PPEF1: variants seen among roughly 807,000 people sequenced by gnomAD.
The protein encoded by PPEF1 is protein phosphatase with EF-hand domain 1, also known as serine/threonine-protein phosphatase with EF-hands 1.
Under a neutral mutation model 53.3 loss-of-function variants are expected in PPEF1, and 12 were observed. That is an observed-to-expected ratio of 0.23 (90% CI 0.14 to 0.36). PPEF1 has a LOEUF of 0.36. Among genes scored for constraint, PPEF1 ranks in the 10% least tolerant of loss-of-function variants. The pLI is 1.00. For missense variants in PPEF1, 334 were observed against 490.4 expected, an observed-to-expected ratio of 0.68 and a Z score of 3.01; for synonymous variants, 165 against 176.7, an observed-to-expected ratio of 0.93 and a Z score of 0.52.
chrX:18,735,340 C>A (rs1329116929), intron 3 of PPEF1, among the ~76,000 whole-genome samples: 15 of 111,542 alleles, frequency 1.3e-4, no homozygotes, highest in Non-Finnish European at 3.8e-5. Context: ...TCAGCTTTCT[C>A]CATATGGCTA....
At chrX:18,802,555 G>A (rs999984631) in intron 10 of PPEF1, among the ~76,000 whole-genome samples, 2 of 111,845 alleles carry the variant, frequency 1.8e-5, no homozygotes, top group South Asian at 7.5e-4. Flanking sequence ...ATCGAGGGGG[G>A]AAAAGTGAAG....
At chrX:18,821,800 AGAG>A (rs200698777) in intron 13 of PPEF1, among the ~76,000 whole-genome samples, 9 of 37,278 alleles carry the variant, frequency 2.4e-4, no homozygotes, top group African/African-American at 1.2e-3. Flanking sequence ...AGAGAGAGAG[AGAG>A]AAAACAAATA....
At chrX:18,783,632 C>T (rs751658535) in intron 8 of PPEF1, among the ~76,000 whole-genome samples, 2 of 109,911 alleles carry the variant, frequency 1.8e-5, no homozygotes, top group East Asian at 2.9e-4. Context: ...GCAGGAGAAT[C>T]GCTTGAACCT....
At position 18,827,573 on chromosome X, in the gene PPEF1, TAGTC is replaced by T. The variant is rs1440094600; in HGVS notation, c.*90_*93del. 3.9e-6 allele frequency: 3 copies of T among 771,926 alleles called. No homozygotes were observed. The African/African-American group carries it at 6.3e-5, about 16-fold the overall frequency. The allele number at this position is 771,926 out of a possible 1,213,427, so 63.6% of individuals were successfully genotyped here. A position where few individuals can be genotyped will look rare whatever the true frequency, so the allele number is the denominator to read the frequency against. ...TCCTTTCCAACACCCCTGAAATTCA[TAGTC>T]AGTAGCAGAGAAAAGCAGATCCCAA... On this transcript the variant is annotated 3_prime_UTR_variant, in exon 16 of 16. Coordinates refer to ENST00000470157, the MANE Select transcript of PPEF1 (RefSeq NM_001377996.1).
chrX:18,792,409 G>A (rs1368007997), intron 10 of PPEF1, among the ~76,000 whole-genome samples: 1 of 111,476 alleles, frequency 9.0e-6, no homozygotes, highest in East Asian at 2.8e-4. Flanking sequence ...CTTGGTAGTT[G>A]TGTCTTTCTT....
intron 12 of PPEF1, 79 bp downstream of exon 12, chrX:18,806,624 C>A: frequency 3.2e-6 from 3 of 942,065 alleles, no homozygotes; most frequent in Non-Finnish European, 2.8e-6. Context: ...TAAGAGCAGC[C>A]ACGTGAGTGA....
intron 4 of PPEF1, among the ~76,000 whole-genome samples, chrX:18,753,921 G>A (rs1268813979): frequency 3.6e-5 from 4 of 110,817 alleles, no homozygotes; most frequent in Admixed American, 1.9e-4. Flanking sequence ...TGTATAGTCT[G>A]CTTTTGTTGG....
intron 4 of PPEF1, among the ~76,000 whole-genome samples, chrX:18,755,544 G>A (rs2045529756): frequency 8.9e-6 from 1 of 111,758 alleles, no homozygotes; most frequent in African/African-American, 3.3e-5. Context: ...TCCAGCCTGG[G>A]CGACAGAGTG....
chrX:18,815,684 T>C (rs1602485298), intron 12 of PPEF1, among the ~76,000 whole-genome samples: 1 of 111,381 alleles, frequency 9.0e-6, no homozygotes, highest in Non-Finnish European at 1.9e-5. Context: ...CTCTCACTCT[T>C]GATTTTAGAA....
intron 2 of PPEF1, 122 bp downstream of exon 2, chrX:18,730,430 G>A (rs1240581760): frequency 4.9e-6 from 4 of 815,925 alleles, no homozygotes; most frequent in Non-Finnish European, 6.9e-6. Context: ...CTTTAATAGA[G>A]CATGTCATGA....
upstream of PPEF1, among the ~76,000 whole-genome samples, chrX:18,681,994 T>A (rs1297401725): frequency 4.5e-5 from 5 of 112,102 alleles, no homozygotes; most frequent in Non-Finnish European, 7.5e-5. Flanking sequence ...TACGAAAGCA[T>A]AACACCACCT....
Position 18,730,278 on chromosome X carries a change from C to A in PPEF1, c.144C>A (p.Ile48=), listed in dbSNP as rs775348591. The change falls in exon 2 of 16, where the codon ATC becomes ATA. Residue 48 remains isoleucine (I), a synonymous_variant. Coordinates refer to ENST00000470157, the MANE Select transcript of PPEF1 (RefSeq NM_001377996.1). ...QHYALTIFQS[I]EYADEQGQMQ... The stretch of plus-strand genomic sequence containing the variant: ...ATGCCCTCACCATCTTCCAGTCCAT[C>A]GAATATGCTGATGAACAAGGCCAAA... The A allele has an allele frequency of 8.3e-7, 1 of 1,209,326 alleles. No individual in the cohort carries two copies. The highest frequency in any genetic ancestry group is 2.2e-5 in the Admixed American group (1 of 45,803).
At chrX:18,724,120 C>G (rs2044652702) in intron 1 of PPEF1, among the ~76,000 whole-genome samples, 1 of 111,445 alleles carries the variant, frequency 9.0e-6, no homozygotes, top group Admixed American at 9.6e-5. Flanking sequence ...TTCCAAATGC[C>G]ATGTATATAG....
chrX:18,700,992 T>C (rs1311903606), intron 6 of PPEF1, among the ~76,000 whole-genome samples: 1 of 112,197 alleles, frequency 8.9e-6, no homozygotes, highest in Non-Finnish European at 1.9e-5. Flanking sequence ...CTTTAATGAT[T>C]AAACAGAGCG....
chrX:18,821,828 A>AG (rs756669024), intron 13 of PPEF1, among the ~76,000 whole-genome samples: 1 of 108,204 alleles, frequency 9.2e-6, no homozygotes, highest in East Asian at 2.9e-4. Flanking sequence ...GTGCAAGTGT[A>AG]GGGAGGAGCT....
At chrX:18,762,315 G>A (rs1602424393) in intron 6 of PPEF1, among the ~76,000 whole-genome samples, 1 of 111,793 alleles carries the variant, frequency 8.9e-6, no homozygotes, top group African/African-American at 3.2e-5. Context: ...TTTGATTAAT[G>A]CATTTATTGT....
intron 4 of PPEF1, among the ~76,000 whole-genome samples, chrX:18,756,337 G>A (rs1015192137): frequency 9.1e-6 from 1 of 109,824 alleles, no homozygotes; most frequent in South Asian, 4.0e-4. Context: ...GCCCCACCAT[G>A]CCTGGCTAAT....
intron 6 of PPEF1, among the ~76,000 whole-genome samples, chrX:18,769,060 T>C (rs1372857719): frequency 8.9e-6 from 1 of 112,191 alleles, no homozygotes; most frequent in Non-Finnish European, 1.9e-5. Flanking sequence ...TTGTTCTTCA[T>C]TGATTGTTTT....
At chrX:18,702,761 A>G (rs1569242962), upstream of PPEF1, among the ~76,000 whole-genome samples, 3 of 111,014 alleles carry the variant, frequency 2.7e-5, no homozygotes, top group Non-Finnish European at 5.7e-5. Context: ...TTTGCAAATT[A>G]TAAGTGAGTG....
Sources: allele counts gnomAD v4.1 joint callset (sites outside exome capture counted in the v4.1 genomes callset), GRCh38; gene constraint gnomAD v4.1.1; transcripts MANE v1.5; gene names NCBI Gene and HGNC (gene_info 2026-07-23, HGNC 2026-07-21).